Variants in BAZ1B observed in about 807,000 individuals in gnomAD.
BAZ1B encodes the protein bromodomain adjacent to zinc finger domain 1B.
In BAZ1B, 22 loss-of-function variants were observed where a neutral mutation model predicts 153.8. The observed-to-expected ratio is 0.14, with a 90% confidence interval of 0.10 to 0.20. BAZ1B has a LOEUF of 0.20. BAZ1B is among the 10% of genes least tolerant of loss of function. The probability of loss-of-function intolerance (pLI) is 1.00; values close to 1 mark genes in which losing one functional copy is unlikely to be tolerated. For synonymous variants in BAZ1B, 676 were observed against 633.4 expected, an observed-to-expected ratio of 1.07 and a Z score of -1.01; for missense variants, 1,325 against 1,799.3, an observed-to-expected ratio of 0.74 and a Z score of 4.77.
rs1341890267 is a variant in BAZ1B at position 73,462,768 on chromosome 7, A to G, written c.3249+154T>C. The G allele has an allele frequency of 1.2e-5, 9 of 760,284 alleles. No homozygotes were observed. The African/African-American group carries it at 1.4e-4, about 12-fold the overall frequency. 47.1% of individuals were successfully genotyped at this position (760,284 alleles called of 1,614,324 possible). On this transcript the variant is annotated intron_variant, in intron 12 of 19. Coordinates refer to ENST00000339594, the MANE Select transcript of BAZ1B (RefSeq NM_032408.4). ...GATAACAAGGAAAAAATACATATAC[A>G]TAAGGTATTTTTGGTTCCATACATG...
At chr7:73,499,400 C>T (rs1048941108) in intron 3 of BAZ1B, among the ~76,000 whole-genome samples, 1 of 152,112 alleles carries the variant, frequency 6.6e-6, no homozygotes, top group East Asian at 1.9e-4. Flanking sequence ...GAAATAACAC[C>T]TTTCTCTACT....
intron 1 of BAZ1B, among the ~76,000 whole-genome samples, chr7:73,518,843 A>C (rs1554579731): frequency 6.6e-6 from 1 of 152,236 alleles, no homozygotes; most frequent in Non-Finnish European, 1.5e-5. Flanking sequence ...TGAACTAGTT[A>C]TTTCTAAGCT....
At chr7:73,479,507 T>TAAAA (rs1789119981) in intron 6 of BAZ1B, among the ~76,000 whole-genome samples, 1 of 95,032 alleles carries the variant, frequency 1.1e-5, no homozygotes, top group African/African-American at 4.4e-5. Flanking sequence ...GACCCCCGTC[T>TAAAA]CAAAAAAAAA....
intron 1 of BAZ1B, among the ~76,000 whole-genome samples, chr7:73,511,191 C>G (rs1554578534): frequency 3.3e-5 from 5 of 151,896 alleles, no homozygotes; most frequent in South Asian, 2.1e-4. Flanking sequence ...TGGCGTGAAC[C>G]CGGGAGGCGG....
chr7:73,447,151 G>C, intron 16 of BAZ1B, 113 bp downstream of exon 16: 2 of 1,582,502 alleles, frequency 1.3e-6, no homozygotes, highest in South Asian at 1.1e-5. Flanking sequence ...CACAACACAA[G>C]AGAAAAGGAA....
chr7:73,463,740 C>T (rs56338857), intron 11 of BAZ1B, among the ~76,000 whole-genome samples: 7,411 of 151,950 alleles, frequency 0.049, 207 homozygotes, highest in Non-Finnish European at 0.066. Flanking sequence ...TGGAATGTCG[C>T]TCTGTTGCCC....
At chr7:73,466,425 T>C in intron 9 of BAZ1B, 24 bp from the exon 10 acceptor site, 4 of 1,545,134 alleles carry the variant, frequency 2.6e-6, no homozygotes, top group Non-Finnish European at 2.7e-6. Flanking sequence ...AGACATTAGG[T>C]TGACTTTAGT....
intron 6 of BAZ1B, among the ~76,000 whole-genome samples, chr7:73,488,484 C>CA (rs1789504659): frequency 6.6e-6 from 1 of 152,050 alleles, no homozygotes; most frequent in Middle Eastern, 3.2e-3. Flanking sequence ...GTAATCCCAG[C>CA]ACTTTGGGAG....
intron 1 of BAZ1B, among the ~76,000 whole-genome samples, chr7:73,518,842 T>C (rs1187905250): frequency 2.6e-5 from 4 of 152,224 alleles, no homozygotes; most frequent in Non-Finnish European, 5.9e-5. Context: ...GTGAACTAGT[T>C]ATTTCTAAGC....
intron 15 of BAZ1B, among the ~76,000 whole-genome samples, chr7:73,447,801 C>T (rs1489855996): frequency 6.6e-6 from 1 of 152,228 alleles, no homozygotes. Context: ...ACAGGTGTGA[C>T]TTCACCTTGA....
intron 1 of BAZ1B, among the ~76,000 whole-genome samples, chr7:73,518,700 C>G (rs1306338699): frequency 6.6e-6 from 1 of 152,212 alleles, no homozygotes; most frequent in Non-Finnish European, 1.5e-5. Context: ...GGCAACACAG[C>G]AAGATTCCAT....
rs1554573135 is a variant in BAZ1B at position 73,478,042 on chromosome 7, A to G, written c.1419T>C (p.Pro473=). 6.2e-7 allele frequency: 1 copy of G among 1,614,104 alleles called. No individual in the cohort carries two copies. Among genetic ancestry groups the G allele is most frequent in the Admixed American group, 1.7e-5 (1 of 59,996 alleles). The change falls in exon 7 of 20, where the codon CCT becomes CCC. Residue 473 remains proline, a synonymous_variant. Transcript: ENST00000339594. ...AGTATGCAATGAGGTGTAGGGCTGC[A>G]GGAGGCAGATGTTTATGAGGTTTAC... ...TSSKPHKHLP[P]AALHLIAYYK...
At chr7:73,459,393 A>G (rs1788316327) in intron 13 of BAZ1B, 143 bp downstream of exon 13, 1 of 854,496 alleles carries the variant, frequency 1.2e-6, no homozygotes, top group South Asian at 1.9e-5. Context: ...AGTGATTAAA[A>G]AAAAAAAAAA....
chr7:73,442,883 G>C lies in BAZ1B; in HGVS notation c.3991-55C>G. The C allele has an allele frequency of 3.7e-6, 5 of 1,336,066 alleles. No individual in the cohort carries two copies. The South Asian group carries it at 6.0e-5, about 16-fold the overall frequency. 82.8% of individuals were successfully genotyped at this position (1,336,066 alleles called of 1,614,324 possible). A position where few individuals can be genotyped will look rare whatever the true frequency, so the allele number is the denominator to read the frequency against. Reference sequence around the variant, plus strand: ...CAGATTCAAGACAGGAGGAAGAATGGACAGGGCAGAAAATAAGTGTATCTG... The same window carrying C: ...CAGATTCAAGACAGGAGGAAGAATGCACAGGGCAGAAAATAAGTGTATCTG... On this transcript the variant is annotated intron_variant, in intron 17 of 19. Coordinates refer to ENST00000339594, the MANE Select transcript of BAZ1B (RefSeq NM_032408.4).
At chr7:73,466,907 C>A (rs1554571260) in intron 9 of BAZ1B, among the ~76,000 whole-genome samples, 1 of 152,066 alleles carries the variant, frequency 6.6e-6, no homozygotes, top group Non-Finnish European at 1.5e-5. Context: ...TATCTTAGAT[C>A]ATCACAATAT....
chr7:73,442,136 T>TGGCCA, intron 19 of BAZ1B, 45 bp downstream of exon 19: 4 of 573,490 alleles, frequency 7.0e-6, no homozygotes, highest in Non-Finnish European at 6.5e-6. Flanking sequence ...CTCGCTCGCC[T>TGGCCA]CCCTCCCACC....
chr7:73,445,140 C>T (rs1406326375), intron 16 of BAZ1B, among the ~76,000 whole-genome samples: 1 of 152,136 alleles, frequency 6.6e-6, no homozygotes, highest in Non-Finnish European at 1.5e-5. Flanking sequence ...GGAAACAATG[C>T]CATGAGGATT....
chr7:73,488,362 T>C (rs1554574746), intron 6 of BAZ1B, among the ~76,000 whole-genome samples: 1 of 152,210 alleles, frequency 6.6e-6, no homozygotes, highest in Non-Finnish European at 1.5e-5. Flanking sequence ...ATACCCCATC[T>C]GTAAAATGAA....
intron 7 of BAZ1B, among the ~76,000 whole-genome samples, chr7:73,475,301 G>C (rs1554572595): frequency 6.6e-6 from 1 of 152,134 alleles, no homozygotes; most frequent in African/African-American, 2.4e-5. Flanking sequence ...GTTCATAATA[G>C]GTAAAAGATG....
Sources: gnomAD v4.1 joint callset for allele counts (sites outside exome capture counted in the v4.1 genomes callset) on GRCh38, gnomAD v4.1.1 for gene constraint, MANE v1.5 for transcripts, NCBI Gene and HGNC (gene_info 2026-07-23, HGNC 2026-07-21) for gene names.